ERGIC1: variants seen among roughly 807,000 people sequenced by gnomAD.
ERGIC1 encodes endoplasmic reticulum-Golgi intermediate compartment protein 1.
Under a neutral mutation model 38.3 loss-of-function variants are expected in ERGIC1, and 19 were observed. The ratio of observed to expected loss-of-function variants is 0.50; its 90% CI spans 0.35 to 0.73. The LOEUF (loss-of-function observed/expected upper bound fraction) is 0.73, where lower values mean the gene tolerates loss of function less well. Among genes scored for constraint, ERGIC1 ranks in the 30% least tolerant of loss-of-function variants. The probability of loss-of-function intolerance (pLI) is 0.01; values close to 1 mark genes in which losing one functional copy is unlikely to be tolerated. For missense variants in ERGIC1, 294 were observed against 389.2 expected (o/e 0.76, Z 2.06); for synonymous variants, 124 against 157.6 (o/e 0.79, Z 1.60).
At chr5:172,916,430 T>G (rs1358755806) in intron 5 of ERGIC1, 2 of 152,222 alleles carry the variant, frequency 1.3e-5, no homozygotes, top group African/African-American at 2.4e-5. Context: ...GAAAGCCATT[T>G]GAGGGTTTTG....
At chr5:172,893,905 ATGTGTGTGTGTGTGTGTGTG>A (rs1554110394) in intron 2 of ERGIC1, among the ~76,000 whole-genome samples, 10 of 15,516 alleles carry the variant, frequency 6.4e-4, no homozygotes, top group Admixed American at 1.4e-3. Flanking sequence ...ATATATATAT[ATGTGTGTGTGTGTGTGTGTG>A]TGTGTGTGTG....
chr5:172,929,038 A>G (rs1763719881), intron 7 of ERGIC1, among the ~76,000 whole-genome samples: 1 of 152,132 alleles, frequency 6.6e-6, no homozygotes, highest in Non-Finnish European at 1.5e-5. Flanking sequence ...CCTATATCAA[A>G]TTGTATCTTG....
chr5:172,848,758 C>A (rs1004609463), intron 1 of ERGIC1, among the ~76,000 whole-genome samples: 1 of 152,194 alleles, frequency 6.6e-6, no homozygotes, highest in Non-Finnish European at 1.5e-5. Context: ...GACCCTCCTG[C>A]AATGTGGCAG....
At chr5:172,931,680 T>G (rs1763777763) in intron 7 of ERGIC1, among the ~76,000 whole-genome samples, 1 of 152,152 alleles carries the variant, frequency 6.6e-6, no homozygotes, top group South Asian at 2.1e-4. Flanking sequence ...AATCCTGCCT[T>G]CCTCCCCAGA....
chr5:172,867,614 G>A (rs1490961797), intron 1 of ERGIC1: 1 of 375,638 alleles, frequency 2.7e-6, no homozygotes. Context: ...TCCTGGCTGG[G>A]CTGGGCAGGA....
At chr5:172,861,245 C>CA (rs1354635601) in intron 1 of ERGIC1, among the ~76,000 whole-genome samples, 1 of 152,212 alleles carries the variant, frequency 6.6e-6, no homozygotes, top group Non-Finnish European at 1.5e-5. Flanking sequence ...ATGCTCTTCC[C>CA]AGGCACTTGG....
chr5:172,947,984 G>A (rs1043230508), intron 9 of ERGIC1, among the ~76,000 whole-genome samples: 9 of 151,978 alleles, frequency 5.9e-5, no homozygotes, highest in South Asian at 4.2e-4. Flanking sequence ...CTCTAAAAGC[G>A]TTTTGTGGTA....
intron 9 of ERGIC1, among the ~76,000 whole-genome samples, chr5:172,945,053 C>T (rs1764092716): frequency 6.6e-6 from 1 of 152,172 alleles, no homozygotes; most frequent in Admixed American, 6.5e-5. Context: ...ATTCAACAAA[C>T]ACGTCTTGTG....
chr5:172,834,276 G>C lies in ERGIC1; in HGVS notation c.-138G>C, dbSNP rs1649489186. The C allele has an allele frequency of 1.3e-6, 1 of 798,970 alleles. No individual in the cohort carries two copies. Among genetic ancestry groups the C allele is most frequent in the Admixed American group, 5.1e-5 (1 of 19,724 alleles). The allele number at this position is 798,970 out of a possible 1,614,324, so 49.5% of individuals were successfully genotyped here. ...ACTTCCCGGCAGCGGGAGGCGAGTG[G>C]CGAGTGGCGAGTGGCGAGTGTCAGG... On this transcript the variant is annotated 5_prime_UTR_variant, in exon 1 of 10. Coordinates refer to ENST00000393784, the MANE Select transcript of ERGIC1 (RefSeq NM_001031711.3). The surrounding 1 kb of genome is among the most constrained non-coding windows in gnomAD (Gnocchi z 4.1).
At chr5:172,886,557 G>C (rs183248033) in intron 1 of ERGIC1, among the ~76,000 whole-genome samples, 1 of 152,212 alleles carries the variant, frequency 6.6e-6, no homozygotes, top group Non-Finnish European at 1.5e-5. Context: ...GGGCCTAAAA[G>C]AGGGGGTGTG....
At chr5:172,906,209 G>C (rs895891203) in intron 3 of ERGIC1, 8 of 455,748 alleles carry the variant, frequency 1.8e-5, no homozygotes, top group Non-Finnish European at 3.1e-5. Flanking sequence ...CCATCCTAAG[G>C]CTTCCCAGGA....
At position 172,874,003 on chromosome 5, in the gene ERGIC1, T is replaced by C. The variant is rs190954517; in HGVS notation, c.21-14696T>C. ...ATGGGCATCTCCTGAACTGTGCTTT[T>C]CAGCAAAGCAGATTCCTGCCCTGCC... On this transcript the variant is annotated intron_variant, in intron 1 of 9. Coordinates refer to ENST00000393784, the MANE Select transcript of ERGIC1 (RefSeq NM_001031711.3). Among the ~76,000 whole-genome samples the C allele has an allele frequency of 4.6e-5, 7 of 152,360 alleles. No individual in the cohort carries two copies. The East Asian group carries it at 7.7e-4, about 17-fold the overall frequency.
At chr5:172,877,686 G>T (rs1762181581) in intron 1 of ERGIC1, among the ~76,000 whole-genome samples, 1 of 151,956 alleles carries the variant, frequency 6.6e-6, no homozygotes. Context: ...CCATCTAGCT[G>T]TATCACCCTC....
At chr5:172,885,683 A>G (rs920374015) in intron 1 of ERGIC1, among the ~76,000 whole-genome samples, 2 of 146,560 alleles carry the variant, frequency 1.4e-5, no homozygotes, top group Admixed American at 6.7e-5. Context: ...AGTGAGGACG[A>G]GACCCCTCCC....
chr5:172,835,336 C>G (rs1196955414), intron 1 of ERGIC1, among the ~76,000 whole-genome samples: 1 of 152,196 alleles, frequency 6.6e-6, no homozygotes, highest in Non-Finnish European at 1.5e-5. Flanking sequence ...AAGTTAGGGG[C>G]AAAGGCTCTG....
chr5:172,892,772 T>C (rs1405332096), intron 2 of ERGIC1, among the ~76,000 whole-genome samples: 1 of 152,196 alleles, frequency 6.6e-6, no homozygotes, highest in Admixed American at 6.5e-5. Flanking sequence ...ATTTTATACC[T>C]TCTCTGAGCC....
chr5:172,861,310 AG>A, intron 1 of ERGIC1, among the ~76,000 whole-genome samples: 1 of 152,226 alleles, frequency 6.6e-6, no homozygotes, highest in East Asian at 1.9e-4. Flanking sequence ...CCCAGCCTGC[AG>A]TGCCCTCTGT....
intron 3 of ERGIC1, among the ~76,000 whole-genome samples, chr5:172,904,707 G>T (rs566071435): frequency 6.6e-6 from 1 of 152,264 alleles, no homozygotes; most frequent in Non-Finnish European, 1.5e-5. Flanking sequence ...CCTGCCATGG[G>T]GTGGTTGTGG....
intron 1 of ERGIC1, among the ~76,000 whole-genome samples, chr5:172,845,170 C>G (rs748897317): frequency 1.4e-4 from 21 of 152,100 alleles, no homozygotes; most frequent in Non-Finnish European, 2.9e-4. Flanking sequence ...AGTGTTGTTA[C>G]CCTGATTTTC....
Sources: allele counts gnomAD v4.1 joint callset (sites outside exome capture counted in the v4.1 genomes callset), GRCh38; gene constraint gnomAD v4.1.1; non-coding constraint Gnocchi (gnomAD v3.1); transcripts MANE v1.5; gene names NCBI Gene and HGNC (gene_info 2026-07-23, HGNC 2026-07-21).